The following HSD17B12 variants were observed in gnomAD, a reference collection of about 807,000 sequenced individuals.
HSD17B12 encodes the protein very-long-chain 3-oxoacyl-CoA reductase.
Under a neutral mutation model 39.3 loss-of-function variants are expected in HSD17B12, and 32 were observed. That is an observed-to-expected ratio of 0.81 (90% confidence interval 0.61 to 1.09). The LOEUF is 1.09. Ranked by LOEUF, HSD17B12 falls within the 50% of genes least tolerant of loss-of-function variation. The pLI is 0.00. For synonymous variants in HSD17B12, 150 were observed against 146.7 expected (o/e 1.02, Z -0.16); for missense variants, 342 against 382.9 (o/e 0.89, Z 0.89).
At chr11:43,742,141 T>TATATATATATA (rs1355652690) in intron 1 of HSD17B12, among the ~76,000 whole-genome samples, 3 of 124,296 alleles carry the variant, frequency 2.4e-5, no homozygotes, top group South Asian at 2.6e-4. Flanking sequence ...ATATATATAT[T>TATATATATATA]TTTTTTTTTA....
At chr11:43,653,202 G>T in the HSD17B12 span, among the ~76,000 whole-genome samples, 1 of 152,214 alleles carries the variant, frequency 6.6e-6, no homozygotes. Context: ...AAGGGATATG[G>T]GAGTTATGAG....
intron 3 of HSD17B12, among the ~76,000 whole-genome samples, chr11:43,788,533 C>T (rs1950837014): frequency 6.6e-6 from 1 of 152,002 alleles, no homozygotes; most frequent in African/African-American, 2.4e-5. Context: ...CCCAGCCTAG[C>T]CTGCCTTCCT....
At chr11:43,801,628 A>ATATATG (rs1176560327) in intron 4 of HSD17B12, among the ~76,000 whole-genome samples, 644 of 20,562 alleles carry the variant, frequency 0.031, 9 homozygotes, top group African/African-American at 0.072. Context: ...ATATATATAT[A>ATATATG]TATGTATATG....
chr11:43,846,358 G>GA (rs1416037735), intron 9 of HSD17B12, among the ~76,000 whole-genome samples: 1 of 152,200 alleles, frequency 6.6e-6, no homozygotes, highest in Non-Finnish European at 1.5e-5. Context: ...TTACAAATAG[G>GA]AAACAGGATC....
At chr11:43,622,357 G>A in the HSD17B12 span, among the ~76,000 whole-genome samples, 1 of 152,046 alleles carries the variant, frequency 6.6e-6, no homozygotes, top group Non-Finnish European at 1.5e-5. Context: ...CACTTTGGGA[G>A]GCTAAGGTGG....
the HSD17B12 span, among the ~76,000 whole-genome samples, chr11:43,572,162 TGCA>T: frequency 6.6e-6 from 1 of 152,310 alleles, no homozygotes; most frequent in African/African-American, 2.4e-5. Context: ...CATGCTTGGA[TGCA>T]GCAGCCTGAA....
intron 1 of HSD17B12, among the ~76,000 whole-genome samples, chr11:43,720,918 C>G (rs1201332738): frequency 6.6e-6 from 1 of 152,050 alleles, no homozygotes; most frequent in Non-Finnish European, 1.5e-5. Context: ...TATCAGGTCT[C>G]TCTTGAAAAA....
intron 4 of HSD17B12, among the ~76,000 whole-genome samples, chr11:43,801,595 G>GAGATATAT (rs1471934295): frequency 4.1e-5 from 3 of 72,796 alleles, no homozygotes; most frequent in East Asian, 4.3e-4. Flanking sequence ...GATAGTTGGA[G>GAGATATAT]ATATATATAT....
chr11:43,623,942 A>G, the HSD17B12 span, among the ~76,000 whole-genome samples: 1 of 152,054 alleles, frequency 6.6e-6, no homozygotes, highest in Non-Finnish European at 1.5e-5. Context: ...ACAGAAACAA[A>G]AACAAAATGC....
intron 1 of HSD17B12, among the ~76,000 whole-genome samples, chr11:43,749,628 C>CT (rs1056729478): frequency 7.4e-5 from 11 of 149,536 alleles, no homozygotes; most frequent in Admixed American, 2.0e-4. Context: ...GATATTTCAA[C>CT]TTTTTTTTTC....
At chr11:43,606,436 T>C in the HSD17B12 span, among the ~76,000 whole-genome samples, 1 of 152,246 alleles carries the variant, frequency 6.6e-6, no homozygotes, top group African/African-American at 2.4e-5. Flanking sequence ...GCTGAGGATC[T>C]CAGGGGAACT....
At chr11:43,782,604 G>A (rs1027413951) in intron 3 of HSD17B12, among the ~76,000 whole-genome samples, 1 of 151,730 alleles carries the variant, frequency 6.6e-6, no homozygotes, top group African/African-American at 2.4e-5. Context: ...TGAACCGGGA[G>A]GCAAAGGTTG....
chr11:43,728,071 T>G (rs1950236989), intron 1 of HSD17B12, among the ~76,000 whole-genome samples: 1 of 152,100 alleles, frequency 6.6e-6, no homozygotes, highest in Non-Finnish European at 1.5e-5. Context: ...TGTTTTTTGT[T>G]TTTTTGTTTT....
In HSD17B12 at chr11:43,680,784, T is replaced by A. The variant is rs752010203; in HGVS notation, c.-44T>A. ...GGCGCCTCCTCCTGGATTCATTCAC[T>A]CGCTCTTTTCATTCACGAAGGTAGT... On this transcript the variant is annotated 5_prime_UTR_variant, in exon 1 of 11. Transcript: ENST00000278353. The A allele has an allele frequency of 6.4e-7, 1 of 1,556,334 alleles. No homozygotes were observed. The highest frequency in any genetic ancestry group is 1.7e-5 in the Admixed American group (1 of 59,888).
the HSD17B12 span, among the ~76,000 whole-genome samples, chr11:43,587,494 C>A: frequency 6.6e-6 from 1 of 151,848 alleles, no homozygotes; most frequent in Non-Finnish European, 1.5e-5. Context: ...TTTTTTTTCC[C>A]CCATTAGCAC....
At chr11:43,581,988 C>T in the HSD17B12 span, among the ~76,000 whole-genome samples, 1 of 152,124 alleles carries the variant, frequency 6.6e-6, no homozygotes, top group African/African-American at 2.4e-5. This position sits in a 1 kb window ranked among gnomAD's most constrained non-coding sequence, Gnocchi z 4.9. Context: ...TATCTTATGT[C>T]CTGGTGCGGG....
At chr11:43,652,466 C>T in the HSD17B12 span, among the ~76,000 whole-genome samples, 3 of 152,098 alleles carry the variant, frequency 2.0e-5, no homozygotes, top group Non-Finnish European at 4.4e-5. Flanking sequence ...TCAATTCCGA[C>T]ACTATCTACC....
At chr11:43,791,803 G>A in intron 3 of HSD17B12, among the ~76,000 whole-genome samples, 1 of 152,124 alleles carries the variant, frequency 6.6e-6, no homozygotes, top group East Asian at 1.9e-4. Context: ...ATTGCAAGTG[G>A]TTGTTCTAGT....
chr11:43,773,989 A>C (rs1299104116), intron 3 of HSD17B12, among the ~76,000 whole-genome samples: 1 of 152,152 alleles, frequency 6.6e-6, no homozygotes, highest in Non-Finnish European at 1.5e-5. Context: ...ATAGCCTGAA[A>C]GGGATCCAGG....
Sources: gnomAD v4.1 joint callset for allele counts (sites outside exome capture counted in the v4.1 genomes callset) on GRCh38, gnomAD v4.1.1 for gene constraint, Gnocchi (gnomAD v3.1) non-coding constraint, MANE v1.5 for transcripts, NCBI Gene and HGNC (gene_info 2026-07-23, HGNC 2026-07-21) for gene names.